The following FBXL20 variants were observed in gnomAD, a reference collection of about 807,000 sequenced individuals.
FBXL20 encodes F-box and leucine rich repeat protein 20.
Under a neutral mutation model 64.0 loss-of-function variants are expected in FBXL20, and 11 were observed. That is an observed-to-expected ratio of 0.17 (90% CI 0.11 to 0.28). The LOEUF is 0.28. Among genes scored for constraint, FBXL20 ranks in the 10% least tolerant of loss-of-function variants. FBXL20 has a pLI of 1.00. For synonymous variants in FBXL20, 184 were observed against 189.0 expected (o/e 0.97, Z 0.22); for missense variants, 303 against 526.2 (o/e 0.58, Z 4.15).
chr17:39,297,192 G>A lies in FBXL20; in HGVS notation c.333C>T (p.Thr111=). The A allele has an allele frequency of 6.2e-7, 1 of 1,607,044 alleles. No homozygotes were observed. Among genetic ancestry groups the A allele is most frequent in the South Asian group, 1.1e-5 (1 of 89,854 alleles). ...CAATGTTCCTGCAGTTTTGTGCAAA[G>A]GTTCTTTGTAGGAAAGAAAGTAAGA... ...CLGVGDNALR[T]FAQNCRNIEV... Residue 111 remains threonine (T), a synonymous_variant, in exon 6 of 15, where the codon ACC becomes ACT. Transcript: ENST00000264658.
intron 4 of FBXL20, 24 bp downstream of exon 4, chr17:39,300,977 G>C: frequency 6.2e-7 from 1 of 1,608,586 alleles, no homozygotes; most frequent in African/African-American, 1.3e-5. Flanking sequence ...ATGAAAACTG[G>C]GGCCACACAC....
intron 1 of FBXL20, among the ~76,000 whole-genome samples, chr17:39,359,481 G>GCC (rs2047773858): frequency 1.3e-5 from 2 of 152,168 alleles, no homozygotes; most frequent in Middle Eastern, 3.4e-3. Flanking sequence ...AAATTAGCCA[G>GCC]GCGTGGTAGC....
Position 39,352,286 on chromosome 17 carries a change from T to C in FBXL20, c.43-9045A>G, listed in dbSNP as rs536674556. ...GGTGTGTGCCGGTAGTTCCAGCTAC[T>C]TGGTAGGCTGAAGGGGAGTATCGCT... On this transcript the variant is annotated intron_variant, in intron 1 of 14. Coordinates refer to ENST00000264658, the MANE Select transcript of FBXL20 (RefSeq NM_032875.3). 1.4e-4 allele frequency among the ~76,000 whole-genome samples: 22 copies of C among 152,100 alleles called. No individual in the cohort carries two copies. The South Asian group carries it at 4.4e-3, about 30-fold the overall frequency.
chr17:39,365,193 A>G (rs1457143103), intron 1 of FBXL20, among the ~76,000 whole-genome samples: 1 of 152,150 alleles, frequency 6.6e-6, no homozygotes, highest in Non-Finnish European at 1.5e-5. Flanking sequence ...TTAAATGTGT[A>G]TTTTTCCTAT....
At chr17:39,365,989 T>A (rs1373753524) in intron 1 of FBXL20, among the ~76,000 whole-genome samples, 1 of 152,110 alleles carries the variant, frequency 6.6e-6, no homozygotes, top group Non-Finnish European at 1.5e-5. Flanking sequence ...ACAACGGAAT[T>A]TAAAAAAATT....
chr17:39,396,915 T>C (rs34432983), intron 1 of FBXL20, among the ~76,000 whole-genome samples: 56,717 of 147,012 alleles, frequency 0.39, 13,859 homozygotes, highest in African/African-American at 0.7. Flanking sequence ...TGACATCACG[T>C]CACTGCACTC....
chr17:39,380,012 A>ATC (rs1294440006), intron 1 of FBXL20, among the ~76,000 whole-genome samples: 1 of 151,994 alleles, frequency 6.6e-6, no homozygotes, highest in Non-Finnish European at 1.5e-5. Flanking sequence ...ATATATATAT[A>ATC]AGTTCTACTT....
At chr17:39,370,216 C>T (rs968859465) in intron 1 of FBXL20, among the ~76,000 whole-genome samples, 1 of 151,620 alleles carries the variant, frequency 6.6e-6, no homozygotes, top group Admixed American at 6.6e-5. Flanking sequence ...GAGGACCAAG[C>T]GCTATGCCTC....
At chr17:39,331,660 T>C (rs566342487) in intron 2 of FBXL20, among the ~76,000 whole-genome samples, 2 of 152,322 alleles carry the variant, frequency 1.3e-5, no homozygotes, top group Non-Finnish European at 2.9e-5. Flanking sequence ...TGGAACACTG[T>C]AGGCACTCAA....
At chr17:39,269,184 T>C (rs546473774) in intron 11 of FBXL20, among the ~76,000 whole-genome samples, 12 of 151,522 alleles carry the variant, frequency 7.9e-5, no homozygotes, top group Non-Finnish European at 1.5e-4. Context: ...CTAATTTTTG[T>C]ATTTCTTTTC....
intron 3 of FBXL20, among the ~76,000 whole-genome samples, chr17:39,302,737 T>C (rs1055222352): frequency 2.6e-5 from 4 of 152,058 alleles, no homozygotes; most frequent in African/African-American, 9.7e-5. Context: ...CTTGAACTCC[T>C]GGCCTCAAGC....
At chr17:39,385,058 C>T (rs914373698) in intron 1 of FBXL20, among the ~76,000 whole-genome samples, 1 of 152,236 alleles carries the variant, frequency 6.6e-6, no homozygotes, top group African/African-American at 2.4e-5. Flanking sequence ...CAATGGCTCA[C>T]ACCTGTAATC....
chr17:39,391,803 C>T (rs2048136073), intron 1 of FBXL20, among the ~76,000 whole-genome samples: 1 of 151,952 alleles, frequency 6.6e-6, no homozygotes, highest in Admixed American at 6.6e-5. Flanking sequence ...AACCACAAAT[C>T]CCTTCTCCCT....
At chr17:39,311,330 A>G (rs1167082098) in intron 2 of FBXL20, among the ~76,000 whole-genome samples, 1 of 151,942 alleles carries the variant, frequency 6.6e-6, no homozygotes, top group African/African-American at 2.4e-5. Context: ...CCCTTCTTTC[A>G]TTACACTTTA....
In FBXL20 at chr17:39,401,441, A is replaced by G; in HGVS notation, c.-39T>C. 1.3e-6 allele frequency: 2 copies of G among 1,565,614 alleles called. No individual in the cohort carries two copies. Among genetic ancestry groups the G allele is most frequent in the South Asian group, 2.3e-5 (2 of 86,088 alleles). ...GCGGCCCGGGCCGGGCGCTGCGGCGAGCGGAGTGCACAGACCGGGGGCCCA... is the reference window on the plus strand; with the variant it reads ...GCGGCCCGGGCCGGGCGCTGCGGCGGGCGGAGTGCACAGACCGGGGGCCCA... On this transcript the variant is annotated 5_prime_UTR_variant, in exon 1 of 15. Transcript: ENST00000264658.
intron 2 of FBXL20, among the ~76,000 whole-genome samples, chr17:39,334,542 A>T (rs138427197): frequency 6.6e-6 from 1 of 152,014 alleles, no homozygotes; most frequent in Non-Finnish European, 1.5e-5. Context: ...TTCAGTTCAT[A>T]AAGTTCACCT....
chr17:39,361,915 T>C (rs951788998), intron 1 of FBXL20, among the ~76,000 whole-genome samples: 22 of 149,854 alleles, frequency 1.5e-4, no homozygotes, highest in African/African-American at 3.5e-4. Context: ...CTGGGCAAGA[T>C]AGCAAGACCC....
chr17:39,375,937 G>A (rs901646439), intron 1 of FBXL20, among the ~76,000 whole-genome samples: 2 of 152,048 alleles, frequency 1.3e-5, no homozygotes, highest in Admixed American at 6.6e-5. Context: ...GACCAACTTA[G>A]TGAAACCCCG....
At chr17:39,355,263 CGCCTGT>C (rs1185097533) in intron 1 of FBXL20, among the ~76,000 whole-genome samples, 1 of 151,726 alleles carries the variant, frequency 6.6e-6, no homozygotes, top group African/African-American at 2.4e-5. Context: ...ACTATGGCCA[CGCCTGT>C]AATCCCAGCA....
Sources: allele counts gnomAD v4.1 joint callset (sites outside exome capture counted in the v4.1 genomes callset), GRCh38; gene constraint gnomAD v4.1.1; transcripts MANE v1.5; gene names NCBI Gene and HGNC (gene_info 2026-07-23, HGNC 2026-07-21).